ACACA: variants seen among roughly 807,000 people sequenced by gnomAD.
ACACA encodes acetyl-CoA carboxylase alpha.
A neutral mutation model predicts 296.1 loss-of-function variants in ACACA; 103 were observed. That is an observed-to-expected ratio of 0.35 (90% CI 0.30 to 0.41). The LOEUF (loss-of-function observed/expected upper bound fraction) is 0.41, where lower values mean the gene tolerates loss of function less well. ACACA is among the 10% of genes least tolerant of loss of function. ACACA has a pLI of 1.00. For missense variants in ACACA, 1,554 were observed against 2,989.7 expected, an observed-to-expected ratio of 0.52 and a Z score of 11.20; for synonymous variants, 953 against 1,038.6, an observed-to-expected ratio of 0.92 and a Z score of 1.58.
chr17:37,364,105 A>G (rs879676341), intron 1 of ACACA, among the ~76,000 whole-genome samples: 1 of 152,008 alleles, frequency 6.6e-6, no homozygotes, highest in Non-Finnish European at 1.5e-5. Context: ...CCTGGGTGAC[A>G]GAGTGAGACT....
chr17:37,191,295 T>A lies in ACACA; in HGVS notation c.4417-20A>T. The A allele has an allele frequency of 6.2e-7, 1 of 1,610,268 alleles. No individual in the cohort carries two copies. Among genetic ancestry groups the A allele is most frequent in the South Asian group, 1.1e-5 (1 of 90,752 alleles). On this transcript the variant is annotated intron_variant, in intron 37 of 55. Coordinates refer to ENST00000616317, the MANE Select transcript of ACACA (RefSeq NM_198834.3). ...AGCTTCCTATACAGGAAGAAAATAA[T>A]CAACATTAATGTAGTTTAAAAGAGG...
At chr17:37,135,768 A>G (rs1227567866) in intron 45 of ACACA, among the ~76,000 whole-genome samples, 1 of 152,138 alleles carries the variant, frequency 6.6e-6, no homozygotes, top group Non-Finnish European at 1.5e-5. Flanking sequence ...GGAGCCACAC[A>G]ATAGTTTGCT....
chr17:37,169,293 TTC>T lies in ACACA; in HGVS notation c.5080-7245_5080-7244del. Among the ~76,000 whole-genome samples the T allele has an allele frequency of 1.3e-5, 2 of 152,350 alleles. 1 individual carries two copies. Among genetic ancestry groups the T allele is most frequent in the Middle Eastern group, 6.8e-3 (2 of 294 alleles). ...TTTCCAGCTTTGTGTTTTTAAATTA[TTC>T]TCTACCCAACTCAACTAATCACCTG... On this transcript the variant is annotated intron_variant, in intron 41 of 55. Transcript: ENST00000616317.
At chr17:37,289,331 AT>A (rs2082937784) in intron 3 of ACACA, 5 of 610,398 alleles carry the variant, frequency 8.2e-6, no homozygotes, top group Non-Finnish European at 1.2e-5. Context: ...GCTGTAAATT[AT>A]TCCTCAGTAA....
chr17:37,323,522 G>C (rs534528195), intron 3 of ACACA, among the ~76,000 whole-genome samples: 1 of 152,222 alleles, frequency 6.6e-6, no homozygotes, highest in Non-Finnish European at 1.5e-5. Context: ...TTGAGCCCAG[G>C]AGTTGGAAGT....
At chr17:37,282,996 A>G (rs1403450961) in intron 5 of ACACA, among the ~76,000 whole-genome samples, 1 of 152,236 alleles carries the variant, frequency 6.6e-6, no homozygotes, top group African/African-American at 2.4e-5. Context: ...ACACTGAAAA[A>G]GGCATACACT....
intron 41 of ACACA, among the ~76,000 whole-genome samples, chr17:37,175,622 G>A (rs889965713): frequency 6.6e-6 from 1 of 152,154 alleles, no homozygotes; most frequent in African/African-American, 2.4e-5. Context: ...AGTCTATGCT[G>A]CAATCACATT....
At chr17:37,169,838 A>G (rs1320263794) in intron 41 of ACACA, among the ~76,000 whole-genome samples, 1 of 152,178 alleles carries the variant, frequency 6.6e-6, no homozygotes, top group African/African-American at 2.4e-5. Context: ...TGAAAATGAC[A>G]TGCCAGGACT....
At chr17:37,240,612 A>G in intron 23 of ACACA, 48 bp from the exon 24 acceptor site, 1 of 1,533,614 alleles carries the variant, frequency 6.5e-7, no homozygotes. Context: ...ATCCAACACT[A>G]TTAAGCAATA....
At chr17:37,203,743 C>CA (rs896302592) in intron 33 of ACACA, among the ~76,000 whole-genome samples, 9 of 151,450 alleles carry the variant, frequency 5.9e-5, no homozygotes, top group Admixed American at 1.3e-4. Flanking sequence ...AACTCCATCT[C>CA]AAAAAAACAA....
intron 1 of ACACA, among the ~76,000 whole-genome samples, chr17:37,361,326 C>T (rs1301677536): frequency 1.3e-5 from 2 of 151,888 alleles, no homozygotes; most frequent in Admixed American, 1.3e-4. Flanking sequence ...TGAGCCACCA[C>T]GCCAAGTCTC....
intron 1 of ACACA, among the ~76,000 whole-genome samples, chr17:37,374,688 C>G (rs1472383153): frequency 6.6e-6 from 1 of 152,146 alleles, no homozygotes; most frequent in Non-Finnish European, 1.5e-5. Context: ...TCTTCAACAA[C>G]AGTTATCTGT....
At chr17:37,281,287 G>A (rs569687346) in intron 5 of ACACA, among the ~76,000 whole-genome samples, 1 of 151,890 alleles carries the variant, frequency 6.6e-6, no homozygotes, top group Non-Finnish European at 1.5e-5. Flanking sequence ...CCAAACTCCT[G>A]ACCTCAAGTG....
chr17:37,214,232 G>A (rs1263374192), intron 29 of ACACA, among the ~76,000 whole-genome samples: 1 of 152,170 alleles, frequency 6.6e-6, no homozygotes, highest in Non-Finnish European at 1.5e-5. Flanking sequence ...TATTTCTGCA[G>A]GAAAATCCAA....
intron 29 of ACACA, among the ~76,000 whole-genome samples, chr17:37,219,788 A>C (rs978169485): frequency 1.3e-5 from 2 of 150,798 alleles, no homozygotes; most frequent in Admixed American, 1.3e-4. Context: ...CAATAACTGA[A>C]CAAGCTATAC....
chr17:37,346,101 T>A (rs2048602252), intron 1 of ACACA, among the ~76,000 whole-genome samples: 1 of 151,878 alleles, frequency 6.6e-6, no homozygotes, highest in African/African-American at 2.4e-5. Context: ...ACCCAGGAAA[T>A]ACAGTTTTAT....
chr17:37,173,345 T>C (rs2076945838), intron 41 of ACACA, among the ~76,000 whole-genome samples: 1 of 152,180 alleles, frequency 6.6e-6, no homozygotes, highest in African/African-American at 2.4e-5. Context: ...TTTTCTAAAA[T>C]AAGAGGTCCT....
In ACACA at chr17:37,097,767, AAC is replaced by A. The variant is rs925011831; in HGVS notation, c.6720+61_6720+62del. ...GCTCCCTGCTTATGAGCCTGTGTGC[AAC>A]ACACACACACACTTGCCCACATGTG... On this transcript the variant is annotated intron_variant, in intron 53 of 55. Coordinates refer to ENST00000616317, the MANE Select transcript of ACACA (RefSeq NM_198834.3). This position sits in a 1 kb window ranked among gnomAD's most constrained non-coding sequence, Gnocchi z 4.8. The A allele has an allele frequency of 4.9e-4, 754 of 1,541,292 alleles. No homozygotes were observed. Among genetic ancestry groups the A allele is most frequent in the Middle Eastern group, 1.0e-3 (6 of 5,874 alleles).
In ACACA at chr17:37,087,018, C is replaced by T; in HGVS notation, c.*298G>A. Reference sequence around the variant, plus strand: ...GGCAGCCCTACTTTGGTTAGTAAGACCTCATGGTACATGTTTGTACCTTTC... The same window carrying T: ...GGCAGCCCTACTTTGGTTAGTAAGATCTCATGGTACATGTTTGTACCTTTC... On this transcript the variant is annotated 3_prime_UTR_variant, in exon 56 of 56. Coordinates refer to ENST00000616317, the MANE Select transcript of ACACA (RefSeq NM_198834.3). 2.1e-6 allele frequency: 1 copy of T among 477,572 alleles called. No individual in the cohort carries two copies. The highest frequency in any genetic ancestry group is 3.9e-6 in the Non-Finnish European group (1 of 258,960). 29.6% of individuals were successfully genotyped at this position (477,572 alleles called of 1,614,324 possible).
Sources: gnomAD v4.1 joint callset for allele counts (sites outside exome capture counted in the v4.1 genomes callset) on GRCh38, gnomAD v4.1.1 for gene constraint, Gnocchi (gnomAD v3.1) non-coding constraint, MANE v1.5 for transcripts, NCBI Gene and HGNC (gene_info 2026-07-23, HGNC 2026-07-21) for gene names.